ZBTB20: variants seen among roughly 807,000 people sequenced by gnomAD.
The protein encoded by ZBTB20 is zinc finger and BTB domain containing 20, also known as zinc finger and BTB domain-containing protein 20.
In ZBTB20, 9 loss-of-function variants were observed where a neutral mutation model predicts 56.9. The ratio of observed to expected loss-of-function variants is 0.16; its 90% confidence interval spans 0.10 to 0.28. The LOEUF (loss-of-function observed/expected upper bound fraction) is 0.28, where lower values mean the gene tolerates loss of function less well. Among genes scored for constraint, ZBTB20 ranks in the 10% least tolerant of loss-of-function variants. The probability of loss-of-function intolerance (pLI) is 1.00; values close to 1 mark genes in which losing one functional copy is unlikely to be tolerated. For missense variants in ZBTB20, 655 were observed against 1,003.0 expected, an observed-to-expected ratio of 0.65 and a Z score of 4.69; for synonymous variants, 417 against 420.7, an observed-to-expected ratio of 0.99 and a Z score of 0.11.
intron 6 of ZBTB20, among the ~76,000 whole-genome samples, chr3:114,558,128 A>T (rs1055632648): frequency 3.9e-5 from 6 of 152,014 alleles, no homozygotes; most frequent in African/African-American, 1.2e-4. Flanking sequence ...TCTGGGAACT[A>T]CCTTGAGGGG....
At chr3:114,667,465 C>T (rs2061124546) in intron 6 of ZBTB20, among the ~76,000 whole-genome samples, 1 of 151,994 alleles carries the variant, frequency 6.6e-6, no homozygotes, top group Admixed American at 6.6e-5. Flanking sequence ...TTTCCAACTG[C>T]CCACCCTTCT....
chr3:114,960,682 A>T (rs925819386), intron 3 of ZBTB20, among the ~76,000 whole-genome samples: 5 of 152,226 alleles, frequency 3.3e-5, no homozygotes, highest in African/African-American at 1.2e-4. Flanking sequence ...ATTATAATAC[A>T]TTCCCTGAAA....
chr3:114,839,465 AAG>A (rs1553842183), intron 4 of ZBTB20, among the ~76,000 whole-genome samples: 12 of 148,260 alleles, frequency 8.1e-5, no homozygotes, highest in South Asian at 2.2e-4. Context: ...GAAAGAAAGA[AAG>A]AGAGAGAGAA....
intron 6 of ZBTB20, among the ~76,000 whole-genome samples, chr3:114,587,217 G>A (rs2055272246): frequency 6.6e-6 from 1 of 151,810 alleles, no homozygotes; most frequent in Non-Finnish European, 1.5e-5. Flanking sequence ...GGCTGGTCTC[G>A]AACTCCTGAC....
Position 114,844,128 on chromosome 3 carries a change from G to A in ZBTB20, c.-416-42954C>T, listed in dbSNP as rs6770173. On this transcript the variant is annotated intron_variant, in intron 4 of 11. Transcript: ENST00000675478. ...TCTATACAGTGGAATACTATGCAGC[G>A]AAAAAAATGGTGAATTATTGATACA... 4.6e-3 allele frequency among the ~76,000 whole-genome samples: 688 copies of A among 151,128 alleles called. 2 individuals carry two copies. Among genetic ancestry groups the A allele is most frequent in the African/African-American group, 0.015 (626 of 41,138 alleles).
chr3:114,460,355 A>T (rs2092275410), intron 7 of ZBTB20, among the ~76,000 whole-genome samples: 1 of 152,092 alleles, frequency 6.6e-6, no homozygotes. Context: ...TTACGTGGCA[A>T]AGGGGTCTTG....
At chr3:114,440,308 A>AG (rs1318835834) in intron 7 of ZBTB20, among the ~76,000 whole-genome samples, 1 of 152,148 alleles carries the variant, frequency 6.6e-6, no homozygotes, top group Non-Finnish European at 1.5e-5. Flanking sequence ...TTACACAGAT[A>AG]GGTTAAGCGA....
chr3:114,976,214 T>C (rs2078092136), intron 2 of ZBTB20, among the ~76,000 whole-genome samples: 1 of 152,132 alleles, frequency 6.6e-6, no homozygotes, highest in South Asian at 2.1e-4. Flanking sequence ...AACAAGATAA[T>C]GACACTGAGA....
At chr3:114,617,446 A>G (rs1305047796) in intron 6 of ZBTB20, among the ~76,000 whole-genome samples, 1 of 152,152 alleles carries the variant, frequency 6.6e-6, no homozygotes, top group Non-Finnish European at 1.5e-5. Context: ...CCCCCACTCC[A>G]AGATATGTTC....
intron 6 of ZBTB20, among the ~76,000 whole-genome samples, chr3:114,608,892 G>T (rs575933118): frequency 4.0e-4 from 61 of 152,240 alleles, no homozygotes; most frequent in African/African-American, 1.3e-3. Context: ...TTGCATTACA[G>T]AGATATTAAC....
intron 1 of ZBTB20, among the ~76,000 whole-genome samples, chr3:115,104,935 G>A (rs902529852): frequency 6.6e-6 from 1 of 152,116 alleles, no homozygotes; most frequent in African/African-American, 2.4e-5. Flanking sequence ...TATTGATGAT[G>A]GGGAGGCTGT....
intron 3 of ZBTB20, among the ~76,000 whole-genome samples, chr3:114,929,197 A>C (rs2076266704): frequency 6.6e-6 from 1 of 152,244 alleles, no homozygotes; most frequent in South Asian, 2.1e-4. Context: ...GGAGGTGGCC[A>C]ACTACACAGT....
At chr3:114,927,577 T>C (rs2076204272) in intron 3 of ZBTB20, among the ~76,000 whole-genome samples, 1 of 152,108 alleles carries the variant, frequency 6.6e-6, no homozygotes, top group Non-Finnish European at 1.5e-5. Flanking sequence ...AAAAAACAAT[T>C]GAAGAATTTA....
At chr3:114,564,532 G>A (rs562962319) in intron 6 of ZBTB20, among the ~76,000 whole-genome samples, 6 of 152,152 alleles carry the variant, frequency 3.9e-5, no homozygotes, top group Admixed American at 1.3e-4. Flanking sequence ...CAACTCTCCA[G>A]TTTCTCTTCT....
chr3:114,456,566 A>G (rs1443476290), intron 7 of ZBTB20, among the ~76,000 whole-genome samples: 2 of 152,190 alleles, frequency 1.3e-5, no homozygotes, highest in African/African-American at 4.8e-5. Flanking sequence ...CACCTGGAGA[A>G]TTAGGTATGT....
intron 1 of ZBTB20, among the ~76,000 whole-genome samples, chr3:115,085,993 G>A (rs1292284490): frequency 1.3e-5 from 2 of 151,734 alleles, no homozygotes; most frequent in South Asian, 2.1e-4. Context: ...GTACAAAAAC[G>A]GGCGTTGTAT....
intron 1 of ZBTB20, among the ~76,000 whole-genome samples, chr3:115,134,151 A>G (rs1055349606): frequency 2.0e-5 from 3 of 152,226 alleles, no homozygotes; most frequent in Non-Finnish European, 4.4e-5. Flanking sequence ...TAAGGCCATC[A>G]ATTTTCCTCT....
intron 6 of ZBTB20, among the ~76,000 whole-genome samples, chr3:114,586,471 G>A (rs142126779): frequency 4.6e-5 from 7 of 151,138 alleles, no homozygotes; most frequent in Non-Finnish European, 7.4e-5. Flanking sequence ...AAGGCCTGGC[G>A]ATGTCACACT....
intron 5 of ZBTB20, among the ~76,000 whole-genome samples, chr3:114,738,144 T>C (rs150193634): frequency 1.3e-5 from 2 of 152,228 alleles, no homozygotes; most frequent in African/African-American, 4.8e-5. Context: ...ATAACTTCTT[T>C]ATTTGCTATG....
Sources: allele counts gnomAD v4.1 joint callset (sites outside exome capture counted in the v4.1 genomes callset), GRCh38; gene constraint gnomAD v4.1.1; transcripts MANE v1.5; gene names NCBI Gene and HGNC (gene_info 2026-07-23, HGNC 2026-07-21).